The following PLCB1 variants were observed in gnomAD, a reference collection of about 807,000 sequenced individuals.
PLCB1 encodes the protein 1-phosphatidylinositol 4,5-bisphosphate phosphodiesterase beta-1.
In PLCB1, 46 loss-of-function variants were observed where a neutral mutation model predicts 161.8. The ratio of observed to expected loss-of-function variants is 0.28; its 90% CI spans 0.22 to 0.36. The LOEUF (loss-of-function observed/expected upper bound fraction) is 0.36. PLCB1 is among the 10% of genes least tolerant of loss of function. The pLI is 1.00. For synonymous variants in PLCB1, 517 were observed against 503.7 expected (o/e 1.03, Z -0.35); for missense variants, 1,016 against 1,472.5 (o/e 0.69, Z 5.07).
At chr20:8,260,571 G>A (rs1212477926) in intron 2 of PLCB1, among the ~76,000 whole-genome samples, 1 of 152,100 alleles carries the variant, frequency 6.6e-6, no homozygotes, top group East Asian at 1.9e-4. Context: ...CCTGTGACCA[G>A]TGTGGGAGTA....
intron 3 of PLCB1, among the ~76,000 whole-genome samples, chr20:8,551,763 C>T (rs887533935): frequency 6.6e-6 from 1 of 152,156 alleles, no homozygotes; most frequent in African/African-American, 2.4e-5. Flanking sequence ...GGCTCTTTTC[C>T]ATCCTCTTTC....
chr20:8,786,947 C>T (rs537210884), intron 27 of PLCB1, among the ~76,000 whole-genome samples: 2 of 152,220 alleles, frequency 1.3e-5, no homozygotes, highest in East Asian at 3.9e-4. Context: ...TCAAGCGATC[C>T]ACCTGCCTCG....
At chr20:8,488,494 C>T (rs1982819679) in intron 3 of PLCB1, among the ~76,000 whole-genome samples, 1 of 152,218 alleles carries the variant, frequency 6.6e-6, no homozygotes, top group Admixed American at 6.5e-5. Flanking sequence ...CTAACAATAT[C>T]GAATATGGAA....
chr20:8,673,091 G>A (rs1026241336), intron 9 of PLCB1, among the ~76,000 whole-genome samples: 17 of 151,390 alleles, frequency 1.1e-4, no homozygotes, highest in Non-Finnish European at 1.9e-4. Context: ...CAGCCTGGGC[G>A]ACAGAGCCAG....
intron 31 of PLCB1, among the ~76,000 whole-genome samples, chr20:8,823,111 A>G (rs1174604322): frequency 2.0e-5 from 3 of 152,108 alleles, no homozygotes; most frequent in Non-Finnish European, 2.9e-5. Context: ...ATATGCAAAT[A>G]CTACACCCCT....
At chr20:8,162,167 C>G (rs1027703609) in intron 2 of PLCB1, among the ~76,000 whole-genome samples, 4 of 152,042 alleles carry the variant, frequency 2.6e-5, no homozygotes, top group Non-Finnish European at 5.9e-5. Context: ...CAGGTATTAG[C>G]TGTTTGTTTT....
chr20:8,234,936 T>A (rs773230672), intron 2 of PLCB1, among the ~76,000 whole-genome samples: 1 of 152,130 alleles, frequency 6.6e-6, no homozygotes, highest in Non-Finnish European at 1.5e-5. Context: ...GTATGTCTCC[T>A]TGTAAGAATC....
At chr20:8,417,074 T>TATATATATA (rs1491433170) in intron 3 of PLCB1, among the ~76,000 whole-genome samples, 10 of 27,826 alleles carry the variant, frequency 3.6e-4, no homozygotes, top group African/African-American at 2.5e-3. Flanking sequence ...TATATATATA[T>TATATATATA]TTTTTTTTTT....
chr20:8,870,227 A>G (rs1178071853), intron 31 of PLCB1, among the ~76,000 whole-genome samples: 1 of 152,220 alleles, frequency 6.6e-6, no homozygotes, highest in Middle Eastern at 3.2e-3. Flanking sequence ...CTAGCCAGCC[A>G]TATCCTTGAG....
At chr20:8,877,709 T>A (rs1207747266) in intron 31 of PLCB1, among the ~76,000 whole-genome samples, 2 of 152,254 alleles carry the variant, frequency 1.3e-5, no homozygotes, top group East Asian at 1.9e-4. Context: ...CTTTTCATAT[T>A]TTCTTACAAT....
At chr20:8,165,083 CATT>C (rs1280156499) in intron 2 of PLCB1, among the ~76,000 whole-genome samples, 1 of 152,176 alleles carries the variant, frequency 6.6e-6, no homozygotes, top group East Asian at 1.9e-4. Context: ...CTGTACAAGA[CATT>C]ATTGTTAGTT....
At chr20:8,287,587 T>A (rs1215343355) in intron 2 of PLCB1, among the ~76,000 whole-genome samples, 1 of 152,122 alleles carries the variant, frequency 6.6e-6, no homozygotes, top group African/African-American at 2.4e-5. Context: ...GCAGGCATGT[T>A]CCCCGCATTC....
rs556809215 is a variant in PLCB1 at position 8,359,353 on chromosome 20, G to GT, written c.178-12022dup. ...AGCTTTATATATTCTGTTATGGATA[G>GT]TTTTTTTATTATTTTAATGAAAGGA... On this transcript the variant is annotated intron_variant, in intron 2 of 31. Transcript: ENST00000338037. Among the ~76,000 whole-genome samples the GT allele has an allele frequency of 1.5e-4, 23 of 152,104 alleles. No individual in the cohort carries two copies. In the East Asian group the frequency reaches 3.7e-3, roughly 24 times the overall value.
At chr20:8,680,655 A>G (rs545277623) in intron 9 of PLCB1, among the ~76,000 whole-genome samples, 1 of 152,174 alleles carries the variant, frequency 6.6e-6, no homozygotes, top group Non-Finnish European at 1.5e-5. Context: ...GTCTACAATC[A>G]TATTCTACCC....
intron 25 of PLCB1, among the ~76,000 whole-genome samples, chr20:8,763,553 T>C (rs1394996341): frequency 6.6e-6 from 1 of 152,074 alleles, no homozygotes; most frequent in Non-Finnish European, 1.5e-5. Context: ...GCCCAGCTAA[T>C]TTTTGTGTTT....
intron 9 of PLCB1, among the ~76,000 whole-genome samples, chr20:8,673,008 AG>A (rs1332121824): frequency 6.6e-6 from 1 of 152,020 alleles, no homozygotes; most frequent in African/African-American, 2.4e-5. Context: ...GCTACTCAGG[AG>A]GCTGAGGCAG....
chr20:8,539,473 C>G (rs932533887), intron 3 of PLCB1, among the ~76,000 whole-genome samples: 1 of 152,100 alleles, frequency 6.6e-6, no homozygotes, highest in African/African-American at 2.4e-5. Context: ...ATTCTGGGAA[C>G]ATAGAATTAA....
chr20:8,740,320 C>T (rs748830326), intron 21 of PLCB1, 24 bp from the exon 22 acceptor site: 3 of 1,258,016 alleles, frequency 2.4e-6, no homozygotes, highest in South Asian at 1.2e-5. Flanking sequence ...ATATGTGCTA[C>T]ACAGCATTAT....
chr20:8,590,235 G>A (rs1317155135), intron 3 of PLCB1, among the ~76,000 whole-genome samples: 2 of 152,122 alleles, frequency 1.3e-5, no homozygotes, highest in East Asian at 3.9e-4. Context: ...AGAGTGCCAA[G>A]GAAATTCCCA....
Sources: allele counts gnomAD v4.1 joint callset (sites outside exome capture counted in the v4.1 genomes callset), GRCh38; gene constraint gnomAD v4.1.1; transcripts MANE v1.5; gene names NCBI Gene and HGNC (gene_info 2026-07-23, HGNC 2026-07-21).